The following ARHGAP31 variants were observed in gnomAD, a reference collection of about 807,000 sequenced individuals.
ARHGAP31 encodes the protein Rho GTPase activating protein 31.
ARHGAP31 carries 34 observed loss-of-function variants against 113.9 expected under a neutral mutation model. The observed-to-expected ratio is 0.30, with a 90% CI of 0.23 to 0.40. ARHGAP31 has a LOEUF of 0.40. Ranked by LOEUF, ARHGAP31 falls within the 10% of genes least tolerant of loss-of-function variation. The pLI is 1.00. For synonymous variants in ARHGAP31, 650 were observed against 684.8 expected (o/e 0.95, Z 0.79); for missense variants, 1,548 against 1,767.1 (o/e 0.88, Z 2.22).
chr3:119,297,115 A>T (rs1251337743), intron 1 of ARHGAP31, among the ~76,000 whole-genome samples: 1 of 152,274 alleles, frequency 6.6e-6, no homozygotes, highest in Non-Finnish European at 1.5e-5. Context: ...CGGAAATTAG[A>T]CATGCATAAT....
rs775132237 is a variant in ARHGAP31 at position 119,414,540 on chromosome 3, G to A, written c.2611G>A (p.Val871Ile). The change falls in exon 12 of 12, where the codon GTC becomes ATC. Residue 871 changes from valine to isoleucine, a missense_variant. By Grantham distance (29) the Val-to-Ile change is conservative. Coordinates refer to ENST00000264245, the MANE Select transcript of ARHGAP31 (RefSeq NM_020754.4). ...AAGCCCAACCAGGGAGGTTGAGATC[G>A]TCTCACAAGAAGAGGAGGATGTAAC... The part of the protein sequence containing the change: ...FPSPTREVEI[V>I]SQEEEDVTHS... The A allele has an allele frequency of 1.4e-5, 23 of 1,614,104 alleles. 1 individual carries two copies. Among genetic ancestry groups the A allele is most frequent in the South Asian group, 1.1e-4 (10 of 91,090 alleles).
At chr3:119,407,869 G>T (rs182913642) in intron 10 of ARHGAP31, among the ~76,000 whole-genome samples, 2 of 152,156 alleles carry the variant, frequency 1.3e-5, no homozygotes, top group African/African-American at 4.8e-5. Context: ...ACAGTCAAAG[G>T]TTCCACATCC....
rs2080268561 is a variant in ARHGAP31, at chr3:119,368,487, C to T, written c.319C>T (p.Leu107=). 1.2e-6 allele frequency: 2 copies of T among 1,614,148 alleles called. No homozygotes were observed. Among genetic ancestry groups the T allele is most frequent in the Non-Finnish European group, 1.7e-6 (2 of 1,180,012 alleles). Residue 107 remains leucine (L), a synonymous_variant, in exon 3 of 12, where the codon CTG becomes TTG. Coordinates refer to ENST00000264245, the MANE Select transcript of ARHGAP31 (RefSeq NM_020754.4). Reference sequence around the variant, plus strand: ...CTTTAGGGAGCTGCCCAACCCCCTCCTGACTTATGAGCTCTATGAGAAATT... The same window carrying T: ...CTTTAGGGAGCTGCCCAACCCCCTCTTGACTTATGAGCTCTATGAGAAATT... ...LYFRELPNPL[L]TYELYEKFTE...
intron 1 of ARHGAP31, among the ~76,000 whole-genome samples, chr3:119,339,828 A>T (rs1167406617): frequency 1.3e-5 from 2 of 152,350 alleles, no homozygotes; most frequent in Non-Finnish European, 2.9e-5. Flanking sequence ...ACTGTTAGAA[A>T]AAAAAATTAA....
In ARHGAP31 at chr3:119,399,840, G is replaced by A. The variant is rs565895726; in HGVS notation, c.1069+579G>A. On this transcript the variant is annotated intron_variant, in intron 9 of 11. Transcript: ENST00000264245. ...CACAATATCCTTTGTTGGAGTAGACGTGTATACAGTTGCACATGAGGTAAC... is the reference window on the plus strand; with the variant it reads ...CACAATATCCTTTGTTGGAGTAGACATGTATACAGTTGCACATGAGGTAAC... Among the ~76,000 whole-genome samples the A allele has an allele frequency of 1.2e-3, 188 of 152,286 alleles. 4 individuals carry two copies. The South Asian group carries it at 0.024, about 20-fold the overall frequency.
intron 9 of ARHGAP31, 122 bp downstream of exon 9, chr3:119,399,383 C>A: frequency 1.2e-6 from 1 of 845,438 alleles, no homozygotes; most frequent in Non-Finnish European, 2.0e-6. Context: ...TACCTAGTCC[C>A]AAATCCCTCA....
intron 1 of ARHGAP31, among the ~76,000 whole-genome samples, chr3:119,308,829 T>G (rs1318396717): frequency 6.6e-6 from 1 of 152,086 alleles, no homozygotes; most frequent in Non-Finnish European, 1.5e-5. Flanking sequence ...ATGTGGTCAT[T>G]ATATGATTTT....
At chr3:119,336,763 A>G (rs1001303647) in intron 1 of ARHGAP31, among the ~76,000 whole-genome samples, 1 of 152,216 alleles carries the variant, frequency 6.6e-6, no homozygotes, top group South Asian at 2.1e-4. Context: ...CAACATTTGC[A>G]TCACCCTCAA....
chr3:119,295,960 T>C (rs2079530594), intron 1 of ARHGAP31, among the ~76,000 whole-genome samples: 1 of 152,152 alleles, frequency 6.6e-6, no homozygotes, highest in South Asian at 2.1e-4. Flanking sequence ...AAAAAGGCCT[T>C]GTCTTCAGAA....
rs1178682078 is a variant in ARHGAP31, at chr3:119,414,372, A to T, written c.2443A>T (p.Thr815Ser). Residue 815 changes from threonine (T) to serine (S), a missense_variant, in exon 12 of 12, where the codon ACA becomes TCA. Thr to Ser is a moderately conservative substitution (Grantham distance 58). Transcript: ENST00000264245. ...EREDSSRKLR[T>S]DLYIDQLKSQ... ...AGAAGACTCATCCAGGAAATTGAGG[A>T]CAGATCTCTACATAGACCAGCTGAA... is the stretch of plus-strand genomic sequence containing the variant. 1 of 1,614,208 alleles carries T rather than the reference A, an allele frequency of 6.2e-7. No individual in the cohort carries two copies. The highest frequency in any genetic ancestry group is 8.5e-7 in the Non-Finnish European group (1 of 1,180,028).
chr3:119,295,979 G>A (rs564399534), intron 1 of ARHGAP31, among the ~76,000 whole-genome samples: 24 of 152,302 alleles, frequency 1.6e-4, no homozygotes, highest in Non-Finnish European at 2.9e-4. Context: ...AAGCTTCAGC[G>A]AGAGGAAAAT....
rs1203177637 is a variant in ARHGAP31, at chr3:119,414,524, C to A, written c.2595C>A (p.Thr865=). The change falls in exon 12 of 12, where the codon ACC becomes ACA. Residue 865 remains threonine, a synonymous_variant. Transcript: ENST00000264245. Reference sequence around the variant, plus strand: ...AAGGCTGTGGTTTTCCAAGCCCAACCAGGGAGGTTGAGATCGTCTCACAAG... The same window carrying A: ...AAGGCTGTGGTTTTCCAAGCCCAACAAGGGAGGTTGAGATCGTCTCACAAG... ...EGKGCGFPSP[T]REVEIVSQEE... 10 of 1,614,092 alleles carry A rather than the reference C, an allele frequency of 6.2e-6. No homozygotes were observed. In the East Asian group the frequency reaches 2.2e-4, roughly 36 times the overall value.
chr3:119,324,484 T>C (rs1449321077), intron 1 of ARHGAP31, among the ~76,000 whole-genome samples: 2 of 152,140 alleles, frequency 1.3e-5, no homozygotes, highest in Non-Finnish European at 1.5e-5. Flanking sequence ...AAATAAAAAA[T>C]TAGCAGTCCT....
intron 1 of ARHGAP31, among the ~76,000 whole-genome samples, chr3:119,360,797 G>GA (rs1368000706): frequency 3.3e-5 from 5 of 152,002 alleles, no homozygotes; most frequent in Admixed American, 6.6e-5. Context: ...ACTGATCTAG[G>GA]AAAAACAAAA....
Position 119,416,620 on chromosome 3 carries a change from A to G in ARHGAP31, c.*356A>G, listed in dbSNP as rs911122358. On this transcript the variant is annotated 3_prime_UTR_variant, in exon 12 of 12. Coordinates refer to ENST00000264245, the MANE Select transcript of ARHGAP31 (RefSeq NM_020754.4). ...GAGAGCTGGCTGTCCTTTGAAAGAA[A>G]GAAGTAATGTTCTTTGAAAGAAAGA... The G allele has an allele frequency of 9.2e-6, 3 of 325,622 alleles. No homozygotes were observed. The highest frequency in any genetic ancestry group is 6.4e-5 in the African/African-American group (3 of 46,582). The allele number at this position is 325,622 out of a possible 1,614,324, so 20.2% of individuals were successfully genotyped here.
intron 1 of ARHGAP31, among the ~76,000 whole-genome samples, chr3:119,317,461 G>A (rs977405661): frequency 6.6e-6 from 1 of 152,210 alleles, no homozygotes; most frequent in Non-Finnish European, 1.5e-5. Context: ...ACAGGCGTGA[G>A]TCACTGCGCC....
intron 8 of ARHGAP31, among the ~76,000 whole-genome samples, chr3:119,398,486 C>G (rs1012458840): frequency 6.6e-6 from 1 of 152,136 alleles, no homozygotes; most frequent in Non-Finnish European, 1.5e-5. Context: ...CAGTTCTGTT[C>G]CCTGAAAAGA....
Position 119,415,704 on chromosome 3 carries a change from A to G in ARHGAP31, c.3775A>G (p.Lys1259Glu). ...DDSPSSLESS[K>E]EEKPKQDPGA... is the part of the protein sequence containing the mutation. The stretch of plus-strand genomic sequence containing the variant: ...TTCTCCCTCCTCCCTGGAAAGCTCA[A>G]AGGAAGAAAAACCAAAGCAAGATCC... The change falls in exon 12 of 12, where the codon AAG (lysine) becomes GAG (glutamate). Residue 1259 changes from lysine (K) to glutamate (E), a missense_variant. Lys to Glu is a moderately conservative substitution (Grantham distance 56). Coordinates refer to ENST00000264245, the MANE Select transcript of ARHGAP31 (RefSeq NM_020754.4). The G allele has an allele frequency of 6.2e-7, 1 of 1,614,128 alleles. No individual in the cohort carries two copies. The highest frequency in any genetic ancestry group is 1.7e-5 in the Admixed American group (1 of 60,014).
At chr3:119,365,269 A>C in intron 1 of ARHGAP31, 47 bp from the exon 2 acceptor site, 6 of 1,494,840 alleles carry the variant, frequency 4.0e-6, no homozygotes, top group Non-Finnish European at 5.6e-6. Context: ...AAAGACAGGC[A>C]GACTTACATC....
Sources: allele counts gnomAD v4.1 joint callset (sites outside exome capture counted in the v4.1 genomes callset), GRCh38; gene constraint gnomAD v4.1.1; transcripts MANE v1.5; gene names NCBI Gene and HGNC (gene_info 2026-07-23, HGNC 2026-07-21).